MTSS2: variants seen among roughly 807,000 people sequenced by gnomAD.
The protein encoded by MTSS2 is protein MTSS 2.
MTSS2 carries 27 observed loss-of-function variants against 67.1 expected under a neutral mutation model. That is an observed-to-expected ratio of 0.40 (90% CI 0.30 to 0.55). The LOEUF (loss-of-function observed/expected upper bound fraction) is 0.55, where lower values mean the gene tolerates loss of function less well. Among genes scored for constraint, MTSS2 ranks in the 20% least tolerant of loss-of-function variants. The probability of loss-of-function intolerance (pLI) is 0.43; values close to 1 mark genes in which losing one functional copy is unlikely to be tolerated. For synonymous variants in MTSS2, 624 were observed against 468.6 expected (o/e 1.33, Z -4.28); for missense variants, 1,171 against 1,067.8 (o/e 1.10, Z -1.35).
At chr16:70,664,832 C>G (rs2052641907) in intron 13 of MTSS2, 69 bp from the exon 14 acceptor site, 1 of 1,527,034 alleles carries the variant, frequency 6.5e-7, no homozygotes, top group African/African-American at 1.4e-5. Flanking sequence ...CCAGGCAGCC[C>G]TGCCAGGTGG....
intron 11 of MTSS2, among the ~76,000 whole-genome samples, chr16:70,666,372 T>C (rs2052714491): frequency 6.6e-6 from 1 of 152,172 alleles, no homozygotes. Flanking sequence ...CTAGGTGTTC[T>C]GCGAGGCCCC....
chr16:70,680,386 G>A (rs942606238), intron 3 of MTSS2, among the ~76,000 whole-genome samples: 2 of 152,192 alleles, frequency 1.3e-5, no homozygotes, highest in African/African-American at 4.8e-5. Context: ...CACGCCCAGG[G>A]CCCGAAGGAG....
chr16:70,684,638 G>A (rs1265944351), intron 1 of MTSS2, among the ~76,000 whole-genome samples: 1 of 152,218 alleles, frequency 6.6e-6, no homozygotes, highest in African/African-American at 2.4e-5. Flanking sequence ...GGCTGTGGGG[G>A]TGGGGGCCCT....
At chr16:70,681,689 C>T (rs965998666) in intron 1 of MTSS2, among the ~76,000 whole-genome samples, 1 of 152,264 alleles carries the variant, frequency 6.6e-6, no homozygotes, top group South Asian at 2.1e-4. Flanking sequence ...CCTTTCTCCA[C>T]CCCCTGCTCC....
chr16:70,666,197 G>T (rs571307091), intron 11 of MTSS2, among the ~76,000 whole-genome samples: 19 of 152,290 alleles, frequency 1.2e-4, no homozygotes, highest in Non-Finnish European at 2.2e-4. Flanking sequence ...TGCGGAGAAG[G>T]GGGGCAGCTG....
At position 70,664,081 on chromosome 16, in the gene MTSS2, C is replaced by G; in HGVS notation, c.1840G>C (p.Glu614Gln). 1 of 1,611,806 alleles carries G rather than the reference C, an allele frequency of 6.2e-7. No homozygotes were observed. The highest frequency in any genetic ancestry group is 8.5e-7 in the Non-Finnish European group (1 of 1,179,606). Residue 614 changes from glutamate (E) to glutamine (Q), a missense_variant, in exon 15 of 15, where the codon GAG (glutamate) becomes CAG (glutamine). By Grantham distance (29) the Glu-to-Gln change is conservative. Coordinates refer to ENST00000338779, the MANE Select transcript of MTSS2 (RefSeq NM_138383.3). ...GTCTCGTCGGTATAGAAGACGCACTCCTCACTGCCCGCCCGTGTGGGCCCC... is the reference window on the plus strand; with the variant it reads ...GTCTCGTCGGTATAGAAGACGCACTGCTCACTGCCCGCCCGTGTGGGCCCC... The part of the protein sequence containing the change: ...YMGPTRAGSE[E>Q]CVFYTDETAS...
chr16:70,676,150 C>G (rs1400794721), intron 10 of MTSS2, among the ~76,000 whole-genome samples: 1 of 152,256 alleles, frequency 6.6e-6, no homozygotes, highest in South Asian at 2.1e-4. Flanking sequence ...GGGCCCCCAC[C>G]AGCACTTCAC....
At chr16:70,684,732 G>A (rs2053401589) in intron 1 of MTSS2, among the ~76,000 whole-genome samples, 1 of 152,176 alleles carries the variant, frequency 6.6e-6, no homozygotes, top group Non-Finnish European at 1.5e-5. Context: ...AAGGAAAGGG[G>A]GCACGGCAGG....
intron 11 of MTSS2, among the ~76,000 whole-genome samples, chr16:70,666,484 C>T (rs1187964111): frequency 2.0e-5 from 3 of 152,196 alleles, no homozygotes; most frequent in Admixed American, 6.5e-5. Flanking sequence ...GGGGCAGACG[C>T]CAGCTTCAGC....
rs576666768 is a variant in MTSS2 at position 70,680,107 on chromosome 16, C to T, written c.206-52G>A. 2.2e-5 allele frequency: 28 copies of T among 1,297,332 alleles called. No individual in the cohort carries two copies. The South Asian group carries it at 4.3e-4, about 20-fold the overall frequency. 80.4% of individuals were successfully genotyped at this position (1,297,332 alleles called of 1,614,324 possible). On this transcript the variant is annotated intron_variant, in intron 3 of 14. Coordinates refer to ENST00000338779, the MANE Select transcript of MTSS2 (RefSeq NM_138383.3). Reference sequence around the variant, plus strand: ...GGGGCCCGCTGGGGCCTGCGCAGTCCCGGCCTCGGGCCAGGAGGGGGCGCC... The same window carrying T: ...GGGGCCCGCTGGGGCCTGCGCAGTCTCGGCCTCGGGCCAGGAGGGGGCGCC...
chr16:70,666,501 G>C (rs986046797), intron 11 of MTSS2, among the ~76,000 whole-genome samples: 1 of 152,260 alleles, frequency 6.6e-6, no homozygotes, highest in East Asian at 1.9e-4. Context: ...CAGCACAGCA[G>C]TGGGGACGTG....
chr16:70,667,366 A>G (rs867901791), intron 11 of MTSS2, among the ~76,000 whole-genome samples: 1 of 151,740 alleles, frequency 6.6e-6, no homozygotes, highest in Non-Finnish European at 1.5e-5. Flanking sequence ...AATTATTAGA[A>G]TTAGTAAGGG....
In MTSS2 at chr16:70,665,535, G is replaced by A. The variant is rs764224417; in HGVS notation, c.1059C>T (p.Ser353=). Reference sequence around the variant, plus strand: ...AGGCCTCGGAAGATGCAGAGCTGGAGGACTTCTGCCATGCAGAGGCCAGCA... The same window carrying A: ...AGGCCTCGGAAGATGCAGAGCTGGAAGACTTCTGCCATGCAGAGGCCAGCA... ...PMPSDITSQK[S]SSSASSEASE... The change falls in exon 12 of 15, where the codon TCC becomes TCT. Residue 353 remains serine, a synonymous_variant. Coordinates refer to ENST00000338779, the MANE Select transcript of MTSS2 (RefSeq NM_138383.3). 1.3e-6 allele frequency: 2 copies of A among 1,548,172 alleles called. No homozygotes were observed. The highest frequency in any genetic ancestry group is 1.2e-5 in the South Asian group (1 of 84,018).
chr16:70,670,920 G>A (rs528200846), intron 11 of MTSS2, among the ~76,000 whole-genome samples: 21 of 146,544 alleles, frequency 1.4e-4, no homozygotes, highest in African/African-American at 5.4e-4. Context: ...CACTGAGCAA[G>A]GATTGTGCCA....
intron 1 of MTSS2, among the ~76,000 whole-genome samples, chr16:70,685,382 C>T (rs1411555793): frequency 6.6e-6 from 1 of 152,176 alleles, no homozygotes; most frequent in Non-Finnish European, 1.5e-5. Context: ...GCCGGTAAGA[C>T]CCCGGACTCG....
intron 1 of MTSS2, among the ~76,000 whole-genome samples, chr16:70,683,619 C>T (rs771271956): frequency 6.6e-6 from 1 of 152,226 alleles, no homozygotes; most frequent in African/African-American, 2.4e-5. Flanking sequence ...CAATGGGCAG[C>T]CTGACACCAG....
At position 70,677,773 on chromosome 16, in the gene MTSS2, GGCCA is replaced by G; in HGVS notation, c.732+15_732+18del. ...CTCCCTGCCCCTGGCCCTGGCCCTT[GGCCA>G]GAGGGCTCCCGCACCTGCTCGCTGG... is the stretch of plus-strand genomic sequence containing the variant. On this transcript the variant is annotated intron_variant, in intron 9 of 14. Coordinates refer to ENST00000338779, the MANE Select transcript of MTSS2 (RefSeq NM_138383.3). 1 of 1,591,320 alleles carries G rather than the reference GGCCA, an allele frequency of 6.3e-7. No individual in the cohort carries two copies. The highest frequency in any genetic ancestry group is 8.6e-7 in the Non-Finnish European group (1 of 1,167,884).
In MTSS2 at chr16:70,679,696, G is replaced by A. The variant is rs762624980; in HGVS notation, c.391C>T (p.Arg131Ter). The change falls in exon 6 of 15, where the codon CGA (arginine) becomes TGA (stop). Residue 131 changes from arginine (R) to a stop codon, truncating the protein, a stop_gained. Coordinates refer to ENST00000338779, the MANE Select transcript of MTSS2 (RefSeq NM_138383.3). LOFTEE classifies it high-confidence loss of function. ...TTCTTTTTGATCTCATGCCGGGCTC[G>A]TTTGTACTCTGCAGAAGGGGAGAGC... is the stretch of plus-strand genomic sequence containing the variant. ...LDKDHAKEYKRARHEIKKKSS... is the reference protein window; with the variant it reads ...LDKDHAKEYK The A allele has an allele frequency of 1.2e-6, 2 of 1,611,396 alleles. No individual in the cohort carries two copies. Among genetic ancestry groups the A allele is most frequent in the Non-Finnish European group, 1.7e-6 (2 of 1,178,954 alleles).
intron 11 of MTSS2, among the ~76,000 whole-genome samples, chr16:70,673,284 A>AG (rs1249784366): frequency 6.6e-6 from 1 of 152,242 alleles, no homozygotes; most frequent in East Asian, 1.9e-4. Flanking sequence ...GACACGCTGT[A>AG]GCAAAACTAA....
Sources: allele counts gnomAD v4.1 joint callset (sites outside exome capture counted in the v4.1 genomes callset), GRCh38; gene constraint gnomAD v4.1.1; transcripts MANE v1.5; gene names NCBI Gene and HGNC (gene_info 2026-07-23, HGNC 2026-07-21).